PIK3C2B: variants seen among roughly 807,000 people sequenced by gnomAD.
PIK3C2B encodes phosphatidylinositol-4-phosphate 3-kinase catalytic subunit type 2 beta.
PIK3C2B carries 83 observed loss-of-function variants against 184.3 expected under a neutral mutation model. That is an observed-to-expected ratio of 0.45 (90% CI 0.38 to 0.54). The LOEUF is 0.54. PIK3C2B is among the 20% of genes least tolerant of loss of function. The pLI is 0.00. For synonymous variants in PIK3C2B, 779 were observed against 837.6 expected, an observed-to-expected ratio of 0.93 and a Z score of 1.21; for missense variants, 1,736 against 2,113.5, an observed-to-expected ratio of 0.82 and a Z score of 3.50.
chr1:204,457,181 T>G, intron 9 of PIK3C2B, 111 bp from the exon 10 acceptor site: 1 of 835,612 alleles, frequency 1.2e-6, no homozygotes, highest in South Asian at 1.7e-5. Flanking sequence ...TGGGCTGAAA[T>G]GTGAGTAGCT....
At chr1:204,443,095 A>G (rs1675762619) in intron 19 of PIK3C2B, among the ~76,000 whole-genome samples, 1 of 152,244 alleles carries the variant, frequency 6.6e-6, no homozygotes, top group Non-Finnish European at 1.5e-5. Flanking sequence ...AGCATGGTGA[A>G]CAAAATATGG....
At chr1:204,475,756 A>G (rs979712422) in intron 1 of PIK3C2B, among the ~76,000 whole-genome samples, 7 of 152,148 alleles carry the variant, frequency 4.6e-5, no homozygotes, top group Admixed American at 4.6e-4. Flanking sequence ...CCAAGCAGGC[A>G]CTGTTCCTGA....
At chr1:204,445,888 G>C in intron 16 of PIK3C2B, 68 bp downstream of exon 16, 1 of 1,082,672 alleles carries the variant, frequency 9.2e-7, no homozygotes, top group Non-Finnish European at 1.3e-6. Context: ...TCAGATCACT[G>C]ATGGGCAGTG....
rs769023985 is a variant in PIK3C2B at position 204,454,662 on chromosome 1, G to A, written c.2066+7C>T. ...CCTGGGCACTGAAGCCTGGGGGAAG[G>A]GCTTACTGCTGGTCCCAGACGATGA... On this transcript the variant is annotated splice_region_variant and intron_variant, in intron 12 of 32. Transcript: ENST00000684373. 8.7e-6 allele frequency: 14 copies of A among 1,611,830 alleles called. No homozygotes were observed. The highest frequency in any genetic ancestry group is 1.7e-5 in the Admixed American group (1 of 59,980).
intron 19 of PIK3C2B, 31 bp from the exon 20 acceptor site, chr1:204,442,664 T>A (rs1242151270): frequency 7.0e-7 from 1 of 1,428,706 alleles, no homozygotes; most frequent in Non-Finnish European, 9.7e-7. Context: ...ACAGCAGGGG[T>A]GAAATGGAGG....
At chr1:204,431,887 G>T in intron 27 of PIK3C2B, 94 bp from the exon 28 acceptor site, 1 of 1,383,610 alleles carries the variant, frequency 7.2e-7, no homozygotes, top group Non-Finnish European at 1.0e-6. Context: ...ATGTGCTGAG[G>T]GGAGGGGCAC....
intron 1 of PIK3C2B, among the ~76,000 whole-genome samples, chr1:204,483,346 T>C (rs1378164387): frequency 2.6e-5 from 4 of 151,602 alleles, no homozygotes; most frequent in African/African-American, 7.3e-5. Context: ...TGAGCCATGA[T>C]TGAGACACTG....
At chr1:204,440,682 C>T (rs1572305201) in intron 21 of PIK3C2B, among the ~76,000 whole-genome samples, 2 of 150,338 alleles carry the variant, frequency 1.3e-5, no homozygotes, top group African/African-American at 2.5e-5. Context: ...CCGCAACCTC[C>T]GCCTCCCAGG....
intron 14 of PIK3C2B, among the ~76,000 whole-genome samples, chr1:204,448,284 T>C (rs1159542999): frequency 1.3e-5 from 2 of 151,860 alleles, no homozygotes; most frequent in Admixed American, 1.3e-4. Context: ...CCAGCTAATT[T>C]TTGTATTTCT....
chr1:204,464,434 C>T lies in PIK3C2B; in HGVS notation c.1189+16G>A. ...TTCAAGGGATGCTCACATCCTCTCC[C>T]CCCTCACTAACTTACAGTTGCAGGT... is the stretch of plus-strand genomic sequence containing the variant. On this transcript the variant is annotated intron_variant, in intron 4 of 32. Transcript: ENST00000684373. The T allele has an allele frequency of 6.2e-7, 1 of 1,609,472 alleles. No homozygotes were observed. The highest frequency in any genetic ancestry group is 8.5e-7 in the Non-Finnish European group (1 of 1,176,838).
intron 17 of PIK3C2B, 78 bp from the exon 18 acceptor site, chr1:204,444,240 G>A (rs1015122181): frequency 6.3e-6 from 9 of 1,423,580 alleles, no homozygotes; most frequent in Middle Eastern, 1.8e-4. Flanking sequence ...TATTGCACTG[G>A]GATCTCTGGT....
At chr1:204,450,060 G>A (rs1027657653) in intron 12 of PIK3C2B, 43 bp from the exon 13 acceptor site, 10 of 1,476,104 alleles carry the variant, frequency 6.8e-6, no homozygotes, top group East Asian at 2.5e-5. Flanking sequence ...CCACTCCTGT[G>A]GCTTCAAGCA....
At chr1:204,437,464 C>T (rs113173946) in intron 23 of PIK3C2B, among the ~76,000 whole-genome samples, 4 of 151,748 alleles carry the variant, frequency 2.6e-5, no homozygotes, top group African/African-American at 9.7e-5. Flanking sequence ...CATTGCACTC[C>T]GGCCTGGGCA....
intron 23 of PIK3C2B, among the ~76,000 whole-genome samples, chr1:204,437,570 A>T (rs985392212): frequency 3.3e-5 from 5 of 152,208 alleles, no homozygotes; most frequent in African/African-American, 1.2e-4. Context: ...GAGGCATTCC[A>T]GTGGTTCAGG....
In PIK3C2B at chr1:204,423,953, C is replaced by A. The variant is rs542000969; in HGVS notation, c.*899G>T. On this transcript the variant is annotated 3_prime_UTR_variant, in exon 33 of 33. Coordinates refer to ENST00000684373, the MANE Select transcript of PIK3C2B (RefSeq NM_001377334.1). The stretch of plus-strand genomic sequence containing the variant: ...GAAGGGAGAGACCTATGGGGAAGCA[C>A]CCCCAGCATATTCATAGAGACCAGC... The A allele has an allele frequency of 6.6e-4, 100 of 152,662 alleles. No individual in the cohort carries two copies. Among genetic ancestry groups the A allele is most frequent in the Non-Finnish European group, 1.1e-3 (73 of 68,094 alleles). 9.5% of individuals were successfully genotyped at this position (152,662 alleles called of 1,614,324 possible).
At chr1:204,454,476 C>CA (rs1654649243) in intron 12 of PIK3C2B, 193 bp downstream of exon 12, 1 of 519,344 alleles carries the variant, frequency 1.9e-6, no homozygotes, top group Non-Finnish European at 3.3e-6. Context: ...AGCGAGGCTG[C>CA]CTCTCAAAAA....
chr1:204,440,444 T>C, intron 21 of PIK3C2B, 123 bp from the exon 22 acceptor site: 1 of 977,266 alleles, frequency 1.0e-6, no homozygotes, highest in Non-Finnish European at 1.5e-6. Flanking sequence ...CTCACACCCC[T>C]GACCTGCTCA....
intron 26 of PIK3C2B, among the ~76,000 whole-genome samples, chr1:204,432,965 G>T (rs998186647): frequency 2.0e-5 from 3 of 152,228 alleles, no homozygotes; most frequent in Non-Finnish European, 2.9e-5. Context: ...GTTCTGGCAA[G>T]GGGGAAGCGT....
intron 11 of PIK3C2B, among the ~76,000 whole-genome samples, chr1:204,455,613 C>T (rs1023033917): frequency 2.6e-5 from 4 of 152,164 alleles, no homozygotes; most frequent in Non-Finnish European, 4.4e-5. Context: ...AGGCAGCCAG[C>T]ACCAAGAGGG....
Sources: allele counts gnomAD v4.1 joint callset (sites outside exome capture counted in the v4.1 genomes callset), GRCh38; gene constraint gnomAD v4.1.1; transcripts MANE v1.5; gene names NCBI Gene and HGNC (gene_info 2026-07-23, HGNC 2026-07-21).